Variants in CECR2 observed in about 807,000 individuals in gnomAD.
CECR2 encodes CECR2 histone acetyl-lysine reader, also known as chromatin remodeling regulator CECR2.
Under a neutral mutation model 154.5 loss-of-function variants are expected in CECR2, and 30 were observed. The observed-to-expected ratio is 0.19, with a 90% CI of 0.15 to 0.26. The LOEUF (loss-of-function observed/expected upper bound fraction) is 0.26, where lower values mean the gene tolerates loss of function less well. Among genes scored for constraint, CECR2 ranks in the 10% least tolerant of loss-of-function variants. The pLI is 1.00. For missense variants in CECR2, 1,743 were observed against 1,829.3 expected (o/e 0.95, Z 0.86); for synonymous variants, 725 against 683.7 (o/e 1.06, Z -0.94).
intron 2 of CECR2, among the ~76,000 whole-genome samples, chr22:17,487,346 CAAAGT>C (rs1384240346): frequency 6.6e-6 from 1 of 152,144 alleles, no homozygotes; most frequent in African/African-American, 2.4e-5. Context: ...TCTTCACTGT[CAAAGT>C]AAAGCTACGA....
intron 2 of CECR2, among the ~76,000 whole-genome samples, chr22:17,478,559 G>C (rs998647301): frequency 2.1e-4 from 32 of 152,078 alleles, no homozygotes; most frequent in African/African-American, 7.7e-4. Context: ...GTTTCACCGT[G>C]TTAGCCAGGA....
At chr22:17,511,227 C>G (rs1180826537) in intron 7 of CECR2, among the ~76,000 whole-genome samples, 7 of 152,196 alleles carry the variant, frequency 4.6e-5, no homozygotes, top group African/African-American at 1.7e-4. Context: ...AAGTAGTAAC[C>G]TAGATACAAG....
At chr22:17,525,558 A>T (rs991202121) in intron 9 of CECR2, among the ~76,000 whole-genome samples, 1 of 152,112 alleles carries the variant, frequency 6.6e-6, no homozygotes, top group African/African-American at 2.4e-5. Flanking sequence ...GTGAGCCGAG[A>T]TCGTGCTACT....
At chr22:17,414,083 C>T (rs188776508) in intron 1 of CECR2, among the ~76,000 whole-genome samples, 6 of 152,212 alleles carry the variant, frequency 3.9e-5, no homozygotes, top group Non-Finnish European at 8.8e-5. Context: ...CGCCATTCTC[C>T]TGCCTCAGCC....
intron 1 of CECR2, among the ~76,000 whole-genome samples, chr22:17,459,129 A>G (rs1023785115): frequency 2.0e-5 from 3 of 152,240 alleles, no homozygotes; most frequent in Non-Finnish European, 4.4e-5. Context: ...AAGGAAGCCT[A>G]GATTCCAAAG....
At chr22:17,509,613 GA>G (rs1489559441) in intron 7 of CECR2, among the ~76,000 whole-genome samples, 5 of 151,956 alleles carry the variant, frequency 3.3e-5, no homozygotes, top group Non-Finnish European at 5.9e-5. Context: ...ATTTTTTGTA[GA>G]AGTGGGGTCC....
At chr22:17,506,841 A>T (rs2055856358) in intron 7 of CECR2, among the ~76,000 whole-genome samples, 1 of 152,070 alleles carries the variant, frequency 6.6e-6, no homozygotes, top group Admixed American at 6.6e-5. Flanking sequence ...TTTTTAGTAG[A>T]GATGGGGTTT....
intron 3 of CECR2, among the ~76,000 whole-genome samples, chr22:17,497,911 C>G (rs2055660412): frequency 6.6e-6 from 1 of 152,150 alleles, no homozygotes; most frequent in South Asian, 2.1e-4. Flanking sequence ...GCAACTAAAT[C>G]CGCCACTGAG....
chr22:17,500,213 A>G (rs375558649), intron 4 of CECR2, among the ~76,000 whole-genome samples: 18,614 of 150,198 alleles, frequency 0.12, 1,223 homozygotes, highest in Non-Finnish European at 0.17. Context: ...TCCATCAAAA[A>G]AAAAAAAAAA....
At chr22:17,386,405 CAAG>C (rs1037697918) in intron 1 of CECR2, among the ~76,000 whole-genome samples, 6 of 152,086 alleles carry the variant, frequency 3.9e-5, no homozygotes, top group African/African-American at 9.7e-5. Context: ...GCGATTGTAA[CAAG>C]AAGAAGTTAA....
At chr22:17,495,861 CAAAAAAAA>C (rs10558473) in intron 2 of CECR2, among the ~76,000 whole-genome samples, 3 of 67,210 alleles carry the variant, frequency 4.5e-5, no homozygotes, top group East Asian at 5.1e-4. Flanking sequence ...GACTCTGTCT[CAAAAAAAA>C]AAAAAAAAAA....
chr22:17,360,677 G>C (rs1184588011), intron 1 of CECR2, among the ~76,000 whole-genome samples: 2 of 135,590 alleles, frequency 1.5e-5, no homozygotes, highest in African/African-American at 6.1e-5. Flanking sequence ...ACTCCATCTC[G>C]GAAAAAAAAA....
At chr22:17,536,948 C>A in intron 9 of CECR2, 155 bp from the exon 10 acceptor site, 2 of 758,172 alleles carry the variant, frequency 2.6e-6, no homozygotes, top group Non-Finnish European at 4.2e-6. Flanking sequence ...GTAGAAACAT[C>A]CTAATTACCA....
chr22:17,472,381 A>G (rs116909409), intron 1 of CECR2, among the ~76,000 whole-genome samples: 1 of 152,122 alleles, frequency 6.6e-6, no homozygotes, highest in African/African-American at 2.4e-5. Flanking sequence ...CACTCCAGGC[A>G]TTCTCTCTTG....
intron 1 of CECR2, among the ~76,000 whole-genome samples, chr22:17,468,768 T>G (rs2055073733): frequency 6.6e-6 from 1 of 152,204 alleles, no homozygotes; most frequent in East Asian, 1.9e-4. Context: ...TGTAACCGTC[T>G]TAGTCCATAC....
chr22:17,412,138 G>A (rs1289592366), intron 1 of CECR2, among the ~76,000 whole-genome samples: 1 of 152,078 alleles, frequency 6.6e-6, no homozygotes, highest in African/African-American at 2.4e-5. Context: ...TAATATCATG[G>A]CTAATATTCT....
chr22:17,377,646 T>C (rs1277128295), intron 1 of CECR2, among the ~76,000 whole-genome samples: 3 of 152,224 alleles, frequency 2.0e-5, no homozygotes, highest in Non-Finnish European at 2.9e-5. Context: ...TTCTGGCTTG[T>C]GGTTTGCCTT....
intron 1 of CECR2, among the ~76,000 whole-genome samples, chr22:17,430,185 A>C (rs376985675): frequency 2.4e-4 from 36 of 152,228 alleles, no homozygotes; most frequent in East Asian, 2.3e-3. Flanking sequence ...TTTTATCTGC[A>C]TTACTTCTTT....
intron 3 of CECR2, among the ~76,000 whole-genome samples, chr22:17,498,905 A>C (rs1369315642): frequency 6.6e-6 from 1 of 152,190 alleles, no homozygotes; most frequent in Non-Finnish European, 1.5e-5. Flanking sequence ...TTGTTCCTCA[A>C]AGTAGGTACC....
Sources: allele counts gnomAD v4.1 joint callset (sites outside exome capture counted in the v4.1 genomes callset), GRCh38; gene constraint gnomAD v4.1.1; transcripts MANE v1.5; gene names NCBI Gene and HGNC (gene_info 2026-07-23, HGNC 2026-07-21).